The following IMMP2L variants were observed in gnomAD, a reference collection of about 807,000 sequenced individuals.
IMMP2L encodes mitochondrial inner membrane protease subunit 2.
In IMMP2L, 18 loss-of-function variants were observed where a neutral mutation model predicts 19.3. That is an observed-to-expected ratio of 0.93 (90% CI 0.64 to 1.38). IMMP2L has a LOEUF of 1.38. Among genes scored for constraint, IMMP2L ranks in the 40% most tolerant of loss-of-function variants. IMMP2L has a pLI of 0.00. For synonymous variants in IMMP2L, 76 were observed against 73.0 expected, an observed-to-expected ratio of 1.04 and a Z score of -0.21; for missense variants, 233 against 218.2, an observed-to-expected ratio of 1.07 and a Z score of -0.43.
intron 1 of IMMP2L, among the ~76,000 whole-genome samples, chr7:111,522,902 GA>G (rs1310428718): frequency 7.7e-6 from 1 of 129,486 alleles, no homozygotes. Context: ...ATCAATGGAT[GA>G]ATGAACTTTA....
chr7:111,115,833 C>T (rs1332121409), intron 3 of IMMP2L, among the ~76,000 whole-genome samples: 1 of 151,858 alleles, frequency 6.6e-6, no homozygotes, highest in Non-Finnish European at 1.5e-5. Context: ...AACTCTAGCA[C>T]ACCTGGCTAA....
At chr7:111,125,997 A>G (rs1801271342) in intron 3 of IMMP2L, among the ~76,000 whole-genome samples, 1 of 151,610 alleles carries the variant, frequency 6.6e-6, no homozygotes, top group Non-Finnish European at 1.5e-5. Flanking sequence ...TAATTTTTGT[A>G]TTTTTAGTAG....
intron 3 of IMMP2L, 94 bp from the exon 4 acceptor site, chr7:110,963,659 G>A: frequency 4.5e-6 from 3 of 666,362 alleles, no homozygotes; most frequent in East Asian, 3.0e-5. Context: ...CTATATTAAA[G>A]TCTTTACAGA....
At chr7:111,522,581 C>G (rs1055259740) in intron 1 of IMMP2L, among the ~76,000 whole-genome samples, 2 of 151,974 alleles carry the variant, frequency 1.3e-5, no homozygotes, top group Admixed American at 6.6e-5. Context: ...AAATGCAAAT[C>G]AAAACCACAT....
chr7:110,955,894 T>C lies in IMMP2L; in HGVS notation c.305+7606A>G, dbSNP rs10230261. Among the ~76,000 whole-genome samples, 1,509 of 152,056 alleles carry C rather than the reference T, an allele frequency of 9.9e-3. 21 individuals carry two copies. The highest frequency in any genetic ancestry group is 0.034 in the African/African-American group (1,396 of 41,502). The stretch of plus-strand genomic sequence containing the variant: ...AGAAGAAGAGAGCCATATGGATACA[T>C]TGGCTTCTATTATTCAGAGCTACTG... On this transcript the variant is annotated intron_variant, in intron 4 of 5. Coordinates refer to ENST00000405709, the MANE Select transcript of IMMP2L (RefSeq NM_032549.4).
chr7:111,209,529 T>C (rs1004815961), intron 3 of IMMP2L, among the ~76,000 whole-genome samples: 10 of 152,164 alleles, frequency 6.6e-5, no homozygotes, highest in Non-Finnish European at 5.9e-5. Flanking sequence ...AGTATTTCTC[T>C]AGCCTAAATG....
chr7:111,026,328 C>G (rs1740926292), intron 3 of IMMP2L, among the ~76,000 whole-genome samples: 1 of 152,064 alleles, frequency 6.6e-6, no homozygotes, highest in Non-Finnish European at 1.5e-5. Flanking sequence ...AACCTGGCAG[C>G]TCTATCTAAG....
intron 5 of IMMP2L, among the ~76,000 whole-genome samples, chr7:110,778,258 T>C (rs931147301): frequency 6.6e-5 from 10 of 151,978 alleles, no homozygotes; most frequent in Non-Finnish European, 1.2e-4. Context: ...TGTTTTTACA[T>C]ATGTGACCAA....
intron 5 of IMMP2L, among the ~76,000 whole-genome samples, chr7:110,751,788 T>A (rs1336165260): frequency 6.6e-6 from 1 of 152,030 alleles, no homozygotes; most frequent in Non-Finnish European, 1.5e-5. Flanking sequence ...ATATTTTATA[T>A]CCATTCATAT....
At chr7:110,960,940 A>G (rs1365764371) in intron 4 of IMMP2L, among the ~76,000 whole-genome samples, 5 of 151,886 alleles carry the variant, frequency 3.3e-5, no homozygotes, top group Admixed American at 6.6e-5. Context: ...CAGATACTCA[A>G]TATCACTAGC....
At chr7:111,116,393 G>A (rs1237609092) in intron 3 of IMMP2L, among the ~76,000 whole-genome samples, 1 of 152,076 alleles carries the variant, frequency 6.6e-6, no homozygotes, top group Non-Finnish European at 1.5e-5. Context: ...TCAGATTTGA[G>A]AATCTGAAAA....
At position 111,163,035 on chromosome 7, in the gene IMMP2L, C is replaced by T. The variant is rs117484601; in HGVS notation, c.240-199470G>A. On this transcript the variant is annotated intron_variant, in intron 3 of 5. Transcript: ENST00000405709. Reference sequence around the variant, plus strand: ...GAACCCTGCTCTTATAGAGCAGTTGCTTTAGAAAGCTTGCAATTATAAATG... The same window carrying T: ...GAACCCTGCTCTTATAGAGCAGTTGTTTTAGAAAGCTTGCAATTATAAATG... Among the ~76,000 whole-genome samples, 70 of 152,132 alleles carry T rather than the reference C, an allele frequency of 4.6e-4. 1 individual carries two copies. In the East Asian group the frequency reaches 0.013, roughly 28 times the overall value.
At chr7:110,864,241 G>C (rs745309494) in intron 5 of IMMP2L, among the ~76,000 whole-genome samples, 5 of 151,996 alleles carry the variant, frequency 3.3e-5, no homozygotes, top group Non-Finnish European at 5.9e-5. Flanking sequence ...CATTTGATGA[G>C]ATGACATATA....
chr7:110,885,352 C>T (rs556652708), intron 5 of IMMP2L, among the ~76,000 whole-genome samples: 2 of 151,922 alleles, frequency 1.3e-5, no homozygotes, highest in East Asian at 3.9e-4. Context: ...GGATGCTCAA[C>T]TTATATATAC....
At chr7:110,764,105 T>G (rs1798513160) in intron 5 of IMMP2L, among the ~76,000 whole-genome samples, 1 of 152,026 alleles carries the variant, frequency 6.6e-6, no homozygotes, top group Non-Finnish European at 1.5e-5. Flanking sequence ...AATAAAGAAA[T>G]GAAAACTGAC....
At chr7:111,128,590 G>A (rs1801542323) in intron 3 of IMMP2L, among the ~76,000 whole-genome samples, 1 of 152,162 alleles carries the variant, frequency 6.6e-6, no homozygotes, top group African/African-American at 2.4e-5. Flanking sequence ...ACTATGGGAG[G>A]CTTAGGTGAG....
chr7:110,998,972 G>A (rs542688346), intron 3 of IMMP2L, among the ~76,000 whole-genome samples: 42 of 152,230 alleles, frequency 2.8e-4, no homozygotes, highest in Non-Finnish European at 4.9e-4. Flanking sequence ...ATCTGAAAAC[G>A]TCTTCAGTCT....
At chr7:110,824,628 A>G (rs1803303579) in intron 5 of IMMP2L, among the ~76,000 whole-genome samples, 1 of 152,000 alleles carries the variant, frequency 6.6e-6, no homozygotes, top group South Asian at 2.1e-4. Context: ...CCGACCTCTG[A>G]AAGTGCTGAT....
chr7:111,467,240 C>T, intron 3 of IMMP2L, among the ~76,000 whole-genome samples: 1 of 152,126 alleles, frequency 6.6e-6, no homozygotes. Flanking sequence ...TGTAAAATTA[C>T]AGTTCTTACC....
Sources: gnomAD v4.1 joint callset for allele counts (sites outside exome capture counted in the v4.1 genomes callset) on GRCh38, gnomAD v4.1.1 for gene constraint, MANE v1.5 for transcripts, NCBI Gene and HGNC (gene_info 2026-07-23, HGNC 2026-07-21) for gene names.